Variants in ADGRB3 observed in about 807,000 individuals in gnomAD.
ADGRB3 encodes brain-specific angiogenesis inhibitor 3.
In ADGRB3, 37 loss-of-function variants were observed where a neutral mutation model predicts 193.4. The observed-to-expected ratio is 0.19, with a 90% confidence interval of 0.15 to 0.25. The LOEUF is 0.25. Among genes scored for constraint, ADGRB3 ranks in the 10% least tolerant of loss-of-function variants. The pLI, the probability that ADGRB3 is intolerant of heterozygous loss-of-function variation, is 1.00. For synonymous variants in ADGRB3, 690 were observed against 644.2 expected, an observed-to-expected ratio of 1.07 and a Z score of -1.08; for missense variants, 1,637 against 1,852.9, an observed-to-expected ratio of 0.88 and a Z score of 2.14.
chr6:69,388,832 G>A lies in ADGRB3; in HGVS notation c.4510G>A (p.Glu1504Lys). Residue 1504 changes from glutamate to lysine, a missense_variant, in exon 32 of 32, where the codon GAG becomes AAG. Around this residue, in one of 7 missense-constraint regions of ADGRB3, gnomAD observed 368 missense variants for 367.4 expected, o/e 1.00. Coordinates refer to ENST00000370598, the MANE Select transcript of ADGRB3 (RefSeq NM_001704.3). ...TTTGGAACTGAGGCCAGCAGAGTGG[G>A]AGAAGTGTCTGAATTTGCCTCTGGA... ...DALELRPAEW[E>K]KCLNLPLDVQ... 2.5e-6 allele frequency: 4 copies of A among 1,613,524 alleles called. No homozygotes were observed. The highest frequency in any genetic ancestry group is 3.4e-6 in the Non-Finnish European group (4 of 1,179,636).
chr6:68,682,870 C>CA (rs947478526), intron 3 of ADGRB3, among the ~76,000 whole-genome samples: 3 of 151,762 alleles, frequency 2.0e-5, no homozygotes, highest in Admixed American at 1.3e-4. Context: ...CTCTGCTTCC[C>CA]GGGTTCAAGT....
chr6:69,212,428 AC>A (rs1469590619), intron 17 of ADGRB3, among the ~76,000 whole-genome samples: 1 of 152,198 alleles, frequency 6.6e-6, no homozygotes, highest in Non-Finnish European at 1.5e-5. Flanking sequence ...TTTAAAGATG[AC>A]CCAATAAAAG....
chr6:68,930,647 T>C lies in ADGRB3; in HGVS notation c.846T>C (p.Ala282=), dbSNP rs1767311862. 6.2e-7 allele frequency: 1 copy of C among 1,610,132 alleles called. No homozygotes were observed. Among genetic ancestry groups the C allele is most frequent in the Non-Finnish European group, 8.5e-7 (1 of 1,177,660 alleles). Residue 282 remains alanine, a synonymous_variant, in exon 4 of 32, where the codon GCT becomes GCC. Transcript: ENST00000370598. ...GGGTCCCTCAGGAACAAGCTGATGC[T>C]GCTAAATTTATGGCACAAACTGGTA... ...EKRVPQEQAD[A]AKFMAQTGES...
chr6:68,924,562 A>G (rs1767129105), intron 3 of ADGRB3, among the ~76,000 whole-genome samples: 1 of 152,002 alleles, frequency 6.6e-6, no homozygotes, highest in Non-Finnish European at 1.5e-5. Context: ...CAACATTGAA[A>G]ACTCTTGAAC....
intron 3 of ADGRB3, among the ~76,000 whole-genome samples, chr6:68,768,825 GA>G (rs1425786691): frequency 6.7e-6 from 1 of 149,896 alleles, no homozygotes; most frequent in African/African-American, 2.5e-5. Context: ...AATCTACAAG[GA>G]ACTTAAACAA....
intron 3 of ADGRB3, among the ~76,000 whole-genome samples, chr6:68,722,346 G>T (rs1386572256): frequency 6.6e-6 from 1 of 151,710 alleles, no homozygotes; most frequent in Non-Finnish European, 1.5e-5. Flanking sequence ...TTGTGTAGGG[G>T]AGAGATAGCA....
At chr6:69,358,848 A>G (rs1769385633) in intron 28 of ADGRB3, among the ~76,000 whole-genome samples, 2 of 151,904 alleles carry the variant, frequency 1.3e-5, no homozygotes, top group African/African-American at 4.8e-5. Context: ...AAGTAAGTCT[A>G]AGAGGCAGGC....
chr6:69,328,902 G>C (rs1156837810), intron 22 of ADGRB3, among the ~76,000 whole-genome samples: 2 of 152,054 alleles, frequency 1.3e-5, no homozygotes, highest in Non-Finnish European at 2.9e-5. Flanking sequence ...ACTGTATTGA[G>C]AATATGGGAA....
At chr6:68,825,264 A>G (rs181311912) in intron 3 of ADGRB3, among the ~76,000 whole-genome samples, 130 of 151,798 alleles carry the variant, frequency 8.6e-4, no homozygotes, top group African/African-American at 3.0e-3. Flanking sequence ...GTGTCTGCAT[A>G]TTTTTGCACA....
chr6:68,994,462 G>C (rs186373095), intron 11 of ADGRB3, among the ~76,000 whole-genome samples: 1 of 152,250 alleles, frequency 6.6e-6, no homozygotes, highest in East Asian at 1.9e-4. Context: ...AATTGTTCTA[G>C]CTAAGAAAAT....
At chr6:68,914,827 T>C (rs1432906628) in intron 3 of ADGRB3, among the ~76,000 whole-genome samples, 1 of 152,182 alleles carries the variant, frequency 6.6e-6, no homozygotes, top group Non-Finnish European at 1.5e-5. Flanking sequence ...AATGACTCCA[T>C]AGGATTACAT....
chr6:68,969,048 C>T (rs184651458), intron 8 of ADGRB3, among the ~76,000 whole-genome samples: 39 of 151,980 alleles, frequency 2.6e-4, no homozygotes, highest in African/African-American at 8.9e-4. Flanking sequence ...AAAGTGATTT[C>T]TTTAATGAAA....
chr6:69,331,862 T>C (rs1768738542), intron 23 of ADGRB3: 1 of 984,652 alleles, frequency 1.0e-6, no homozygotes, highest in Non-Finnish European at 1.2e-6. Flanking sequence ...TTAGTTTAAA[T>C]GAGAGGTACA....
At chr6:68,933,997 T>C (rs939505289) in intron 4 of ADGRB3, among the ~76,000 whole-genome samples, 1 of 152,192 alleles carries the variant, frequency 6.6e-6, no homozygotes, top group Admixed American at 6.6e-5. Context: ...TGAATATTTT[T>C]AACATCTTTC....
At chr6:69,065,764 T>TACACACACACACACAC (rs3043304) in intron 16 of ADGRB3, among the ~76,000 whole-genome samples, 14 of 129,262 alleles carry the variant, frequency 1.1e-4, no homozygotes, top group Admixed American at 1.6e-4. Flanking sequence ...TGTATATATA[T>TACACACACACACACAC]ACACACACAC....
chr6:68,836,011 G>A (rs1008234), intron 3 of ADGRB3, among the ~76,000 whole-genome samples: 42,413 of 151,906 alleles, frequency 0.28, 6,750 homozygotes, highest in Middle Eastern at 0.5. Context: ...GATCTGCTTG[G>A]CTAACATGCT....
chr6:69,051,841 C>T (rs571062871), intron 15 of ADGRB3, among the ~76,000 whole-genome samples: 13 of 152,298 alleles, frequency 8.5e-5, no homozygotes, highest in Non-Finnish European at 1.5e-4. Context: ...CCCCTGCTAT[C>T]GCAACTCTCA....
chr6:69,083,884 C>T (rs1478020714), intron 17 of ADGRB3, among the ~76,000 whole-genome samples: 1 of 151,390 alleles, frequency 6.6e-6, no homozygotes. Flanking sequence ...CAGCGATTCT[C>T]CTGCCTCAGC....
chr6:68,845,143 T>C (rs1466298230), intron 3 of ADGRB3, among the ~76,000 whole-genome samples: 1 of 152,198 alleles, frequency 6.6e-6, no homozygotes, highest in African/African-American at 2.4e-5. Context: ...GTTAAATACT[T>C]GAGGTAAATG....
Sources: gnomAD v4.1 joint callset for allele counts (sites outside exome capture counted in the v4.1 genomes callset) on GRCh38, gnomAD v4.1.1 for gene constraint, gnomAD v4.1.1 regional missense constraint, MANE v1.5 for transcripts, NCBI Gene and HGNC (gene_info 2026-07-23, HGNC 2026-07-21) for gene names.